Variants in PRH1 observed in about 807,000 individuals in gnomAD.
The protein encoded by PRH1 is proline rich protein HaeIII subfamily 1.
In PRH1, 7 loss-of-function variants were observed where a neutral mutation model predicts 7.9. That is an observed-to-expected ratio of 0.89 (90% CI 0.50 to 1.67). The LOEUF is 1.67. PRH1 is among the 40% of genes most tolerant of loss of function. The pLI is 0.00. For missense variants in PRH1, 109 were observed against 223.6 expected (o/e 0.49, Z 3.27); for synonymous variants, 45 against 80.8 (o/e 0.56, Z 2.38).
At chr12:10,940,294 GC>G (rs1299456244) in intron 2 of PRH1, among the ~76,000 whole-genome samples, 1 of 152,008 alleles carries the variant, frequency 6.6e-6, no homozygotes, top group East Asian at 1.9e-4. Flanking sequence ...AATAATTCAG[GC>G]TTTTTACTTT....
intron 1 of PRH1, among the ~76,000 whole-genome samples, chr12:11,013,980 A>G (rs1941177143): frequency 6.6e-6 from 1 of 152,206 alleles, no homozygotes; most frequent in South Asian, 2.1e-4. Context: ...CTGCCTGCCT[A>G]AGCCTCCCAA....
chr12:11,067,215 T>C (rs570332804), intron 1 of PRH1, among the ~76,000 whole-genome samples: 2 of 152,150 alleles, frequency 1.3e-5, no homozygotes, highest in Non-Finnish European at 2.9e-5. Flanking sequence ...TTTTCTCCAA[T>C]GCAGAATCAA....
intron 2 of PRH1, among the ~76,000 whole-genome samples, chr12:10,963,206 C>T (rs1348095966): frequency 6.6e-6 from 1 of 152,150 alleles, no homozygotes; most frequent in South Asian, 2.1e-4. Context: ...TTGATACAGT[C>T]TGTAGAATTT....
chr12:11,139,585 G>T (rs1432321917), intron 1 of PRH1, among the ~76,000 whole-genome samples: 1 of 151,936 alleles, frequency 6.6e-6, no homozygotes, highest in Non-Finnish European at 1.5e-5. Context: ...TTCCTTTGTT[G>T]TATTATACTG....
chr12:11,025,299 T>A (rs1941853135), intron 1 of PRH1, among the ~76,000 whole-genome samples: 1 of 152,250 alleles, frequency 6.6e-6, no homozygotes, highest in African/African-American at 2.4e-5. Flanking sequence ...TTTTATTTTA[T>A]CTGAAAAATA....
chr12:11,152,639 A>G (rs950199462), intron 1 of PRH1, among the ~76,000 whole-genome samples: 1 of 152,136 alleles, frequency 6.6e-6, no homozygotes, highest in Non-Finnish European at 1.5e-5. Context: ...TTTAGCCCCA[A>G]TTATTTATTC....
intron 1 of PRH1, among the ~76,000 whole-genome samples, chr12:11,000,791 A>G (rs971794880): frequency 6.6e-6 from 1 of 151,904 alleles, no homozygotes; most frequent in Non-Finnish European, 1.5e-5. Context: ...TTGTCTTCCA[A>G]TTCACTAATT....
chr12:11,053,991 T>C (rs1943257538), intron 1 of PRH1, among the ~76,000 whole-genome samples: 1 of 152,146 alleles, frequency 6.6e-6, no homozygotes, highest in South Asian at 2.1e-4. Flanking sequence ...CAGCTAATTT[T>C]TATATTTTTA....
chr12:11,007,508 T>G (rs1215435753), intron 1 of PRH1, among the ~76,000 whole-genome samples: 1 of 152,122 alleles, frequency 6.6e-6, no homozygotes, highest in Non-Finnish European at 1.5e-5. Flanking sequence ...AATGTTTAAA[T>G]ATTAATTATT....
At chr12:11,101,347 G>A (rs1029347947) in intron 1 of PRH1, among the ~76,000 whole-genome samples, 3 of 152,148 alleles carry the variant, frequency 2.0e-5, no homozygotes, top group African/African-American at 7.2e-5. Flanking sequence ...AAAATTAGCA[G>A]GGCGTAGTGG....
At chr12:10,992,883 G>A (rs539743037) in intron 1 of PRH1, among the ~76,000 whole-genome samples, 1 of 152,198 alleles carries the variant, frequency 6.6e-6, no homozygotes, top group Non-Finnish European at 1.5e-5. Context: ...TATATTAAGG[G>A]ACATTACTGT....
chr12:11,103,489 C>T (rs867149863), intron 1 of PRH1, among the ~76,000 whole-genome samples: 13 of 144,908 alleles, frequency 9.0e-5, no homozygotes, highest in African/African-American at 1.8e-4. Flanking sequence ...AACTGAACAA[C>T]GAGAACACTT....
At chr12:10,942,805 C>T (rs547615142) in intron 2 of PRH1, among the ~76,000 whole-genome samples, 1 of 152,152 alleles carries the variant, frequency 6.6e-6, no homozygotes. Flanking sequence ...CTCTTGTCAC[C>T]CTCCCAAAGG....
At chr12:11,073,308 T>G (rs1342763273) in intron 1 of PRH1, among the ~76,000 whole-genome samples, 2 of 116,816 alleles carry the variant, frequency 1.7e-5, no homozygotes, top group African/African-American at 5.8e-5. Flanking sequence ...TTTTTTTTTT[T>G]TTTAAAGTAG....
intron 1 of PRH1, among the ~76,000 whole-genome samples, chr12:11,127,284 T>C (rs1438589353): frequency 6.6e-6 from 1 of 152,292 alleles, no homozygotes; most frequent in African/African-American, 2.4e-5. Context: ...AGTCATACAC[T>C]TAATCATCAT....
At chr12:11,118,717 G>A (rs368865170), downstream of PRH1, among the ~76,000 whole-genome samples, 12 of 152,206 alleles carry the variant, frequency 7.9e-5, no homozygotes, top group Admixed American at 2.0e-4. Context: ...TGGTATGGCC[G>A]GGGGCGGTGG....
intron 2 of PRH1, chr12:10,938,307 TGTACCTCAGCCACA>T (rs1048710904): frequency 6.2e-6 from 10 of 1,613,548 alleles, no homozygotes; most frequent in Admixed American, 5.0e-5. Flanking sequence ...TCTTTGAACA[TGTACCTCAGCCACA>T]GTAGCACTGA....
At chr12:11,127,811 T>C (rs190143540) in intron 1 of PRH1, among the ~76,000 whole-genome samples, 1 of 152,362 alleles carries the variant, frequency 6.6e-6, no homozygotes, top group East Asian at 1.9e-4. Context: ...TTAATTAAAA[T>C]ACTCAACTAT....
intron 1 of PRH1, among the ~76,000 whole-genome samples, chr12:11,089,586 T>C (rs1292052966): frequency 0.056 from 4,326 of 77,920 alleles, 210 homozygotes; most frequent in Non-Finnish European, 0.081. Flanking sequence ...TTGTCTTGAA[T>C]TTGACTTCTA....
Sources: gnomAD v4.1 joint callset for allele counts (sites outside exome capture counted in the v4.1 genomes callset) on GRCh38, gnomAD v4.1.1 for gene constraint, MANE v1.5 for transcripts, NCBI Gene and HGNC (gene_info 2026-07-23, HGNC 2026-07-21) for gene names.